ZCWPW2: variants seen among roughly 807,000 people sequenced by gnomAD.
ZCWPW2 encodes zinc finger CW-type PWWP domain protein 2.
Under a neutral mutation model 46.6 loss-of-function variants are expected in ZCWPW2, and 45 were observed. That is an observed-to-expected ratio of 0.96 (90% CI 0.76 to 1.24). The LOEUF (loss-of-function observed/expected upper bound fraction) is 1.24. Among genes scored for constraint, ZCWPW2 ranks in the 50% most tolerant of loss-of-function variants. The pLI, the probability that ZCWPW2 is intolerant of heterozygous loss-of-function variation, is 0.00. For missense variants in ZCWPW2, 429 were observed against 403.9 expected (o/e 1.06, Z -0.53); for synonymous variants, 152 against 137.1 (o/e 1.11, Z -0.76).
intron 1 of ZCWPW2, among the ~76,000 whole-genome samples, chr3:28,383,160 C>T (rs1368080678): frequency 6.6e-6 from 1 of 152,032 alleles, no homozygotes; most frequent in African/African-American, 2.4e-5. Context: ...TATTAATACT[C>T]AATAAGGTGT....
intron 3 of ZCWPW2, among the ~76,000 whole-genome samples, chr3:28,423,012 T>C (rs1696855871): frequency 1.3e-5 from 2 of 152,154 alleles, no homozygotes; most frequent in South Asian, 4.1e-4. Context: ...TTTGGTAGGG[T>C]GTCTGTTCAG....
intron 6 of ZCWPW2, among the ~76,000 whole-genome samples, chr3:28,508,527 T>C (rs1047311768): frequency 6.6e-6 from 1 of 152,136 alleles, no homozygotes; most frequent in Non-Finnish European, 1.5e-5. Context: ...GTTTTGTTTT[T>C]GTTTTTTTGA....
intron 4 of ZCWPW2, among the ~76,000 whole-genome samples, chr3:28,476,146 T>A (rs1223537783): frequency 6.6e-6 from 1 of 151,334 alleles, no homozygotes; most frequent in East Asian, 1.9e-4. Flanking sequence ...TCTATAAATA[T>A]ATAATATCTC....
chr3:28,435,909 T>G (rs886773602), intron 4 of ZCWPW2, among the ~76,000 whole-genome samples: 2 of 152,224 alleles, frequency 1.3e-5, no homozygotes, highest in African/African-American at 4.8e-5. Flanking sequence ...AAGAGGAGAC[T>G]CTATGTTATA....
Position 28,392,713 on chromosome 3 carries a change from T to G in ZCWPW2, c.-14+2096T>G, listed in dbSNP as rs968735507. Among the ~76,000 whole-genome samples the G allele has an allele frequency of 5.3e-5, 8 of 151,812 alleles. No homozygotes were observed. In the East Asian group the frequency reaches 1.5e-3, roughly 29 times the overall value. Reference sequence around the variant, plus strand: ...AAACAACATGTCCCTGCACAACCAATGGCTCACTGAAGAAATCAAAAGTGA... The same window carrying G: ...AAACAACATGTCCCTGCACAACCAAGGGCTCACTGAAGAAATCAAAAGTGA... On this transcript the variant is annotated intron_variant, in intron 2 of 9. Transcript: ENST00000383768.
chr3:28,350,740 T>G (rs1704518621), intron 1 of ZCWPW2, among the ~76,000 whole-genome samples: 1 of 151,852 alleles, frequency 6.6e-6, no homozygotes, highest in Non-Finnish European at 1.5e-5. Flanking sequence ...TATATAATCA[T>G]GTATTAAAGG....
chr3:28,417,458 C>G (rs886352259), intron 3 of ZCWPW2, among the ~76,000 whole-genome samples: 1 of 152,142 alleles, frequency 6.6e-6, no homozygotes, highest in African/African-American at 2.4e-5. Context: ...TGGTACCATT[C>G]CTTTTGAAAC....
intron 4 of ZCWPW2, among the ~76,000 whole-genome samples, chr3:28,444,389 G>C (rs1172801894): frequency 1.3e-5 from 2 of 152,152 alleles, no homozygotes; most frequent in African/African-American, 4.8e-5. Context: ...GGCCATCACT[G>C]TTGTCTCAGG....
intron 6 of ZCWPW2, among the ~76,000 whole-genome samples, chr3:28,513,302 C>T (rs1700477601): frequency 6.6e-6 from 1 of 152,072 alleles, no homozygotes. Flanking sequence ...TTTAGAAGTC[C>T]TAGCTAAGTC....
rs759061894 is a variant in ZCWPW2, at chr3:28,413,382, A to G, written c.314A>G (p.Lys105Arg). 1 of 1,607,972 alleles carries G rather than the reference A, an allele frequency of 6.2e-7. No homozygotes were observed. Among genetic ancestry groups the G allele is most frequent in the Non-Finnish European group, 8.5e-7 (1 of 1,175,540 alleles). Residue 105 changes from lysine (K) to arginine (R), a missense_variant, in exon 3 of 10, where the codon AAA (lysine) becomes AGA (arginine). By Grantham distance (26) the Lys-to-Arg change is conservative. Coordinates refer to ENST00000383768, the MANE Select transcript of ZCWPW2 (RefSeq NM_001040432.4). ...QLPLGSLVLV[K>R]LQNWPSWPGI... Reference sequence around the variant, plus strand: ...CCTCTTGGAAGCCTGGTTTTGGTAAAATTACAGAATTGGCCAAGGTAAGGT... The same window carrying G: ...CCTCTTGGAAGCCTGGTTTTGGTAAGATTACAGAATTGGCCAAGGTAAGGT...
intron 3 of ZCWPW2, among the ~76,000 whole-genome samples, chr3:28,423,583 G>T (rs1288222957): frequency 6.6e-6 from 1 of 151,724 alleles, no homozygotes; most frequent in Non-Finnish European, 1.5e-5. Flanking sequence ...AGCCAGGATG[G>T]TCTCGATCTC....
At chr3:28,434,080 A>G (rs1376609996) in intron 3 of ZCWPW2, among the ~76,000 whole-genome samples, 1 of 152,162 alleles carries the variant, frequency 6.6e-6, no homozygotes, top group Non-Finnish European at 1.5e-5. Flanking sequence ...TCTTAGTGCT[A>G]AATTTGTTTT....
At chr3:28,431,387 C>T (rs1040641457) in intron 3 of ZCWPW2, among the ~76,000 whole-genome samples, 2 of 151,976 alleles carry the variant, frequency 1.3e-5, no homozygotes, top group African/African-American at 4.8e-5. Context: ...ATTAAAGTGT[C>T]TGCAGGATTA....
At chr3:28,382,184 G>A (rs1460519530) in intron 1 of ZCWPW2, among the ~76,000 whole-genome samples, 8 of 147,618 alleles carry the variant, frequency 5.4e-5, no homozygotes, top group African/African-American at 1.5e-4. Context: ...AAAAAAAAGA[G>A]AAATTTATTT....
At chr3:28,458,215 T>C (rs916591830) in intron 4 of ZCWPW2, among the ~76,000 whole-genome samples, 1 of 152,214 alleles carries the variant, frequency 6.6e-6, no homozygotes, top group Non-Finnish European at 1.5e-5. Context: ...TGTAAACTTA[T>C]GCAAGTTCTA....
At chr3:28,432,419 G>A (rs1226589964) in intron 3 of ZCWPW2, among the ~76,000 whole-genome samples, 1 of 152,200 alleles carries the variant, frequency 6.6e-6, no homozygotes, top group Non-Finnish European at 1.5e-5. Flanking sequence ...CAGCTGTACA[G>A]ATTTTTGAAT....
intron 5 of ZCWPW2, among the ~76,000 whole-genome samples, chr3:28,491,345 A>G (rs1699805540): frequency 6.6e-6 from 1 of 152,120 alleles, no homozygotes; most frequent in African/African-American, 2.4e-5. Context: ...GTTGTAACCA[A>G]TAGATACATA....
chr3:28,403,106 C>T (rs948577216), intron 2 of ZCWPW2, among the ~76,000 whole-genome samples: 2 of 152,148 alleles, frequency 1.3e-5, no homozygotes, highest in South Asian at 4.1e-4. Context: ...GAAAGTCAAA[C>T]TGCTGCTGTT....
intron 5 of ZCWPW2, among the ~76,000 whole-genome samples, chr3:28,482,956 A>T (rs1351427742): frequency 1.3e-5 from 2 of 152,046 alleles, no homozygotes; most frequent in African/African-American, 4.8e-5. Flanking sequence ...TATCTTTTCT[A>T]TTCTCTTGAC....
Sources: allele counts gnomAD v4.1 joint callset (sites outside exome capture counted in the v4.1 genomes callset), GRCh38; gene constraint gnomAD v4.1.1; transcripts MANE v1.5; gene names NCBI Gene and HGNC (gene_info 2026-07-23, HGNC 2026-07-21).